Variants in TXNDC11 observed in about 807,000 individuals in gnomAD.
TXNDC11 encodes thioredoxin domain containing 11.
Under a neutral mutation model 78.0 loss-of-function variants are expected in TXNDC11, and 68 were observed. That is an observed-to-expected ratio of 0.87 (90% confidence interval 0.72 to 1.07). The LOEUF (loss-of-function observed/expected upper bound fraction) is 1.07. TXNDC11 is among the 50% of genes least tolerant of loss of function. The pLI, the probability that TXNDC11 is intolerant of heterozygous loss-of-function variation, is 0.00. For missense variants in TXNDC11, 1,389 were observed against 1,221.8 expected (o/e 1.14, Z -2.04); for synonymous variants, 571 against 495.2 (o/e 1.15, Z -2.03).
intron 5 of TXNDC11, among the ~76,000 whole-genome samples, chr16:11,705,407 G>C (rs1177821246): frequency 6.6e-6 from 1 of 152,178 alleles, no homozygotes; most frequent in African/African-American, 2.4e-5. Context: ...GCTGTCAGAA[G>C]AAACAGACCA....
intron 5 of TXNDC11, among the ~76,000 whole-genome samples, chr16:11,710,051 G>C (rs1282398067): frequency 1.3e-5 from 2 of 152,154 alleles, no homozygotes; most frequent in African/African-American, 4.8e-5. Flanking sequence ...GCTGAGGCAG[G>C]AGAACCGCTT....
chr16:11,721,431 T>A (rs1017864559), intron 5 of TXNDC11, 146 bp downstream of exon 5: 3 of 457,160 alleles, frequency 6.6e-6, no homozygotes, highest in Non-Finnish European at 1.2e-5. Flanking sequence ...AGGGCGAGAC[T>A]CCATCTAAAA....
At chr16:11,717,597 G>A (rs781163116) in intron 5 of TXNDC11, among the ~76,000 whole-genome samples, 53 of 151,792 alleles carry the variant, frequency 3.5e-4, no homozygotes, top group Non-Finnish European at 7.4e-4. Context: ...CGAAGCGGGC[G>A]GATCATGAGG....
intron 2 of TXNDC11, among the ~76,000 whole-genome samples, chr16:11,734,839 C>G (rs1044944635): frequency 6.6e-6 from 1 of 152,182 alleles, no homozygotes; most frequent in East Asian, 1.9e-4. Context: ...TGGTTCTGAG[C>G]AGGAGAGTCT....
At chr16:11,711,691 T>A (rs1478243088) in intron 5 of TXNDC11, among the ~76,000 whole-genome samples, 1 of 152,240 alleles carries the variant, frequency 6.6e-6, no homozygotes, top group Non-Finnish European at 1.5e-5. Flanking sequence ...CCTTGCCATG[T>A]ATATAACCTA....
intron 5 of TXNDC11, among the ~76,000 whole-genome samples, chr16:11,706,164 A>C (rs2051173685): frequency 6.6e-6 from 1 of 152,254 alleles, no homozygotes; most frequent in Non-Finnish European, 1.5e-5. Flanking sequence ...ATCTCTGTTA[A>C]CCATACAGTG....
intron 11 of TXNDC11, among the ~76,000 whole-genome samples, chr16:11,681,254 G>A (rs557099629): frequency 1.2e-4 from 18 of 152,334 alleles, no homozygotes; most frequent in African/African-American, 2.6e-4. Context: ...AATACCAGAC[G>A]CTGGACCTGC....
At chr16:11,730,853 A>C (rs1315556484) in intron 3 of TXNDC11, 79 bp from the exon 4 acceptor site, 1 of 1,065,316 alleles carries the variant, frequency 9.4e-7, no homozygotes, top group East Asian at 2.9e-5. Context: ...GTATAACTAA[A>C]ATCATCACCA....
At chr16:11,724,343 C>T (rs1439396670) in intron 4 of TXNDC11, among the ~76,000 whole-genome samples, 1 of 152,118 alleles carries the variant, frequency 6.6e-6, no homozygotes, top group East Asian at 1.9e-4. Context: ...TAGAAGCTAC[C>T]AATACCTAAC....
chr16:11,683,801 G>C (rs1279892041), intron 11 of TXNDC11, among the ~76,000 whole-genome samples: 1 of 147,920 alleles, frequency 6.8e-6, no homozygotes, highest in South Asian at 2.1e-4. Context: ...ACCCAGGTTG[G>C]AGTGCAGTGG....
chr16:11,713,179 T>G (rs963649692), intron 5 of TXNDC11, among the ~76,000 whole-genome samples: 3 of 145,986 alleles, frequency 2.1e-5, no homozygotes, highest in African/African-American at 7.7e-5. Context: ...CCCAGCTCCT[T>G]GGGGGGCTGA....
In TXNDC11 at chr16:11,716,805, T is replaced by C. The variant is rs192772814; in HGVS notation, c.793+4772A>G. Reference sequence around the variant, plus strand: ...CACAAGAACTACAAGAAGTCCAGACTTGACCAAGTAATAACAATTTACAAA... The same window carrying C: ...CACAAGAACTACAAGAAGTCCAGACCTGACCAAGTAATAACAATTTACAAA... On this transcript the variant is annotated intron_variant, in intron 5 of 11. Coordinates refer to ENST00000283033, the MANE Select transcript of TXNDC11 (RefSeq NM_015914.7). Among the ~76,000 whole-genome samples, 429 of 152,314 alleles carry C rather than the reference T, an allele frequency of 2.8e-3. 3 individuals carry two copies. Among genetic ancestry groups the C allele is most frequent in the African/African-American group, 9.8e-3 (406 of 41,572 alleles).
chr16:11,707,841 G>T (rs1305326893), intron 5 of TXNDC11, among the ~76,000 whole-genome samples: 1 of 152,030 alleles, frequency 6.6e-6, no homozygotes, highest in East Asian at 1.9e-4. Flanking sequence ...CAACAGTTTT[G>T]AGAGGCTGAG....
intron 1 of TXNDC11, among the ~76,000 whole-genome samples, chr16:11,741,459 G>A (rs1007130604): frequency 4.6e-5 from 7 of 152,024 alleles, no homozygotes; most frequent in Non-Finnish European, 1.0e-4. Flanking sequence ...CAATTCCAGG[G>A]AAACACCAAG....
chr16:11,724,212 G>A (rs2051804131), intron 4 of TXNDC11, among the ~76,000 whole-genome samples: 1 of 152,134 alleles, frequency 6.6e-6, no homozygotes, highest in Non-Finnish European at 1.5e-5. Context: ...GAACCTGGGA[G>A]GTGGAGGCTA....
At chr16:11,687,834 C>T (rs1270465387) in intron 10 of TXNDC11, 23 bp downstream of exon 10, 25 of 1,519,220 alleles carry the variant, frequency 1.6e-5, no homozygotes, top group East Asian at 4.5e-5. Context: ...CAGCCCAAAG[C>T]GCTGCAGAAG....
At chr16:11,693,579 T>C (rs555234471) in intron 7 of TXNDC11, among the ~76,000 whole-genome samples, 39 of 152,376 alleles carry the variant, frequency 2.6e-4, no homozygotes, top group African/African-American at 8.9e-4. Context: ...GTAATATTTA[T>C]AGTTAATTCA....
chr16:11,683,649 C>G lies in TXNDC11; in HGVS notation c.2234+516G>C, dbSNP rs146209220. Among the ~76,000 whole-genome samples, 88 of 152,218 alleles carry G rather than the reference C, an allele frequency of 5.8e-4. 2 individuals carry two copies. The East Asian group carries it at 0.016, about 27-fold the overall frequency. The stretch of plus-strand genomic sequence containing the variant: ...AGCTAAGAATTCTCACGGCCACATT[C>G]AAGCTCGGGTAAGAGATAGACTGGG... On this transcript the variant is annotated intron_variant, in intron 11 of 11. Transcript: ENST00000283033.
chr16:11,694,097 CTTTTTTT>C (rs535913245), intron 7 of TXNDC11, among the ~76,000 whole-genome samples: 1,049 of 85,502 alleles, frequency 0.012, 8 homozygotes, highest in Non-Finnish European at 0.016. Flanking sequence ...TACAGCAATG[CTTTTTTT>C]TTTTTTTTTT....
Sources: gnomAD v4.1 joint callset for allele counts (sites outside exome capture counted in the v4.1 genomes callset) on GRCh38, gnomAD v4.1.1 for gene constraint, MANE v1.5 for transcripts, NCBI Gene and HGNC (gene_info 2026-07-23, HGNC 2026-07-21) for gene names.